The following ARFIP1 variants were observed in gnomAD, a reference collection of about 807,000 sequenced individuals.
The protein encoded by ARFIP1 is arfaptin-1.
A neutral mutation model predicts 42.5 loss-of-function variants in ARFIP1; 24 were observed. The observed-to-expected ratio is 0.57, with a 90% CI of 0.41 to 0.80. ARFIP1 has a LOEUF of 0.80. ARFIP1 is among the 30% of genes least tolerant of loss of function. The pLI, the probability that ARFIP1 is intolerant of heterozygous loss-of-function variation, is 0.00. For synonymous variants in ARFIP1, 141 were observed against 153.7 expected, an observed-to-expected ratio of 0.92 and a Z score of 0.61; for missense variants, 354 against 434.0, an observed-to-expected ratio of 0.82 and a Z score of 1.64.
chr4:152,804,615 C>A (rs1015769134), intron 1 of ARFIP1, among the ~76,000 whole-genome samples: 1 of 148,700 alleles, frequency 6.7e-6, no homozygotes, highest in African/African-American at 2.5e-5. Flanking sequence ...TGAATCCCCA[C>A]GTCATCACTT....
rs1277837874 is a variant in ARFIP1 at position 152,910,604 on chromosome 4, A to T, written c.*385A>T. ...AGGGAGGTTTACATGATTTGTATCA[A>T]CATCAGATATTTTATATGTGAATAT... On this transcript the variant is annotated 3_prime_UTR_variant, in exon 9 of 9. Transcript: ENST00000353617. The T allele has an allele frequency of 1.2e-5, 2 of 160,256 alleles. No homozygotes were observed. Among genetic ancestry groups the T allele is most frequent in the African/African-American group, 4.8e-5 (2 of 41,612 alleles). The allele number at this position is 160,256 out of a possible 1,614,324, so 9.9% of individuals were successfully genotyped here. A position where few individuals can be genotyped will look rare whatever the true frequency, so the allele number is the denominator to read the frequency against.
chr4:152,827,890 G>T (rs1403891330), intron 1 of ARFIP1, among the ~76,000 whole-genome samples: 1 of 152,102 alleles, frequency 6.6e-6, no homozygotes, highest in Non-Finnish European at 1.5e-5. Flanking sequence ...CCCCAGGCTA[G>T]TCTCAAACTC....
chr4:152,870,676 C>A, intron 3 of ARFIP1, 77 bp from the exon 4 acceptor site: 2 of 951,184 alleles, frequency 2.1e-6, no homozygotes, highest in Non-Finnish European at 3.3e-6. Flanking sequence ...AAGGAAATAT[C>A]AGTAACCCTA....
At chr4:152,815,965 C>T (rs1291537177) in intron 1 of ARFIP1, among the ~76,000 whole-genome samples, 2 of 151,880 alleles carry the variant, frequency 1.3e-5, no homozygotes, top group East Asian at 1.9e-4. Context: ...GGGATGGTCT[C>T]GATCTCCTGA....
chr4:152,893,164 C>T (rs1737005627), intron 8 of ARFIP1, among the ~76,000 whole-genome samples: 1 of 152,194 alleles, frequency 6.6e-6, no homozygotes, highest in Admixed American at 6.5e-5. Context: ...ACTCATTCAG[C>T]AAGTGCATGT....
intron 1 of ARFIP1, among the ~76,000 whole-genome samples, chr4:152,789,533 T>C (rs1731028799): frequency 6.6e-6 from 1 of 152,216 alleles, no homozygotes. Context: ...GAAGAAAGTC[T>C]CTCTGTGAAG....
chr4:152,875,650 C>G (rs1735269072), intron 5 of ARFIP1, among the ~76,000 whole-genome samples: 1 of 151,404 alleles, frequency 6.6e-6, no homozygotes, highest in Admixed American at 6.6e-5. Context: ...CTTAATAATC[C>G]TTGTTGTATC....
intron 2 of ARFIP1, among the ~76,000 whole-genome samples, chr4:152,850,154 G>A (rs1201193585): frequency 6.6e-6 from 1 of 152,132 alleles, no homozygotes; most frequent in Non-Finnish European, 1.5e-5. Context: ...GCAGGCTCAT[G>A]GAACAGATTT....
At chr4:152,837,860 G>A (rs1731778292) in intron 2 of ARFIP1, among the ~76,000 whole-genome samples, 1 of 152,168 alleles carries the variant, frequency 6.6e-6, no homozygotes, top group Non-Finnish European at 1.5e-5. Flanking sequence ...CTAAGCCAGT[G>A]TCCAGAAGGG....
chr4:152,839,934 C>T (rs578048263), intron 2 of ARFIP1, among the ~76,000 whole-genome samples: 2 of 152,228 alleles, frequency 1.3e-5, no homozygotes, highest in African/African-American at 4.8e-5. Flanking sequence ...CACCTCTTTG[C>T]ACTTCTTAGC....
In ARFIP1 at chr4:152,833,287, G is replaced by T. The variant is rs573295681; in HGVS notation, c.93+3561G>T. Among the ~76,000 whole-genome samples the T allele has an allele frequency of 9.9e-5, 15 of 150,814 alleles. No homozygotes were observed. In the South Asian group the frequency reaches 2.7e-3, roughly 27 times the overall value. Reference sequence around the variant, plus strand: ...AAATGGCCAACAGGTATGTGAAAAGGTGCTCAACATCACTAATCATCAGAG... The same window carrying T: ...AAATGGCCAACAGGTATGTGAAAAGTTGCTCAACATCACTAATCATCAGAG... On this transcript the variant is annotated intron_variant, in intron 2 of 8. Transcript: ENST00000353617.
intron 1 of ARFIP1, among the ~76,000 whole-genome samples, chr4:152,819,084 C>G (rs748582619): frequency 6.6e-6 from 1 of 152,102 alleles, no homozygotes; most frequent in African/African-American, 2.4e-5. Flanking sequence ...AACCCCATGG[C>G]CCTGCCCATT....
intron 2 of ARFIP1, among the ~76,000 whole-genome samples, chr4:152,858,276 A>G (rs189834723): frequency 3.9e-5 from 6 of 152,328 alleles, no homozygotes; most frequent in African/African-American, 1.4e-4. Context: ...TGGGTGATAG[A>G]GCCAGACCTT....
At chr4:152,838,049 T>A (rs905910283) in intron 2 of ARFIP1, among the ~76,000 whole-genome samples, 2 of 152,176 alleles carry the variant, frequency 1.3e-5, no homozygotes, top group Admixed American at 1.3e-4. Flanking sequence ...TTCCCCACTT[T>A]ATGTTATTGT....
intron 1 of ARFIP1, among the ~76,000 whole-genome samples, chr4:152,827,850 A>G (rs1250705773): frequency 6.6e-6 from 1 of 151,932 alleles, no homozygotes; most frequent in Non-Finnish European, 1.5e-5. Flanking sequence ...TAATTTTTGT[A>G]TTGTTTGTAG....
intron 1 of ARFIP1, among the ~76,000 whole-genome samples, chr4:152,786,815 G>A (rs1730836507): frequency 6.6e-6 from 1 of 152,160 alleles, no homozygotes; most frequent in Admixed American, 6.5e-5. Context: ...TCCTTTGTAT[G>A]CACCTTGCTC....
intron 3 of ARFIP1, among the ~76,000 whole-genome samples, chr4:152,869,232 A>G (rs1463865632): frequency 6.6e-6 from 1 of 152,190 alleles, no homozygotes; most frequent in African/African-American, 2.4e-5. Flanking sequence ...TGTCTTTCTT[A>G]TTAGGAAATT....
intron 1 of ARFIP1, among the ~76,000 whole-genome samples, chr4:152,792,078 A>T (rs1216657655): frequency 1.3e-5 from 2 of 152,200 alleles, no homozygotes; most frequent in African/African-American, 4.8e-5. Context: ...CTTTAGAATA[A>T]TAACTGATCT....
At chr4:152,837,051 T>TA (rs1247495527) in intron 2 of ARFIP1, among the ~76,000 whole-genome samples, 1 of 152,184 alleles carries the variant, frequency 6.6e-6, no homozygotes, top group Non-Finnish European at 1.5e-5. Context: ...ATTCCTGAGT[T>TA]ACGTCATTTA....
Sources: gnomAD v4.1 joint callset for allele counts (sites outside exome capture counted in the v4.1 genomes callset) on GRCh38, gnomAD v4.1.1 for gene constraint, MANE v1.5 for transcripts, NCBI Gene and HGNC (gene_info 2026-07-23, HGNC 2026-07-21) for gene names.